Variants in KLF1 observed in about 807,000 individuals in gnomAD.
KLF1 encodes the protein Krueppel-like factor 1.
KLF1 carries 29 observed loss-of-function variants against 28.0 expected under a neutral mutation model. The ratio of observed to expected loss-of-function variants is 1.04; its 90% confidence interval spans 0.77 to 1.41. KLF1 has a LOEUF of 1.41. KLF1 is among the 40% of genes most tolerant of loss of function. The probability of loss-of-function intolerance (pLI) is 0.00; values close to 1 mark genes in which losing one functional copy is unlikely to be tolerated. For missense variants in KLF1, 508 were observed against 515.1 expected (o/e 0.99, Z 0.13); for synonymous variants, 262 against 242.6 (o/e 1.08, Z -0.74).
Position 12,884,649 on chromosome 19 carries a change from G to A in KLF1, c.*236C>T. ...TTTGCACGACAGTTTGGACATCTCTGTGTGGCTCCCTGTGGCTGAAGGCTT... is the reference window on the plus strand; with the variant it reads ...TTTGCACGACAGTTTGGACATCTCTATGTGGCTCCCTGTGGCTGAAGGCTT... On this transcript the variant is annotated 3_prime_UTR_variant, in exon 3 of 3. Transcript: ENST00000264834. 1 of 579,118 alleles carries A rather than the reference G, an allele frequency of 1.7e-6. No homozygotes were observed. Among genetic ancestry groups the A allele is most frequent in the Non-Finnish European group, 3.1e-6 (1 of 323,226 alleles). 35.9% of individuals were successfully genotyped at this position (579,118 alleles called of 1,614,324 possible). A position where few individuals can be genotyped will look rare whatever the true frequency, so the allele number is the denominator to read the frequency against.
Position 12,885,446 on chromosome 19 carries a change from C to T in KLF1, c.784G>A (p.Ala262Thr), listed in dbSNP as rs778399478. Residue 262 changes from alanine to threonine, a missense_variant, in exon 2 of 3, where the codon GCG becomes ACG. Coordinates refer to ENST00000264834, the MANE Select transcript of KLF1 (RefSeq NM_006563.5). The surrounding 1 kb of genome is among the most constrained non-coding windows in gnomAD (Gnocchi z 5.6). ...GAACGTCGGCCTCGCTTGGATGGCG[C>T]GGTCTCGGCTATCACACCTGGATCC... is the stretch of plus-strand genomic sequence containing the variant. ...AEDPGVIAET[A>T]PSKRGRRSWA... 22 of 1,604,570 alleles carry T rather than the reference C, an allele frequency of 1.4e-5. No individual in the cohort carries two copies. The highest frequency in any genetic ancestry group is 1.9e-5 in the Non-Finnish European group (22 of 1,176,344).
chr19:12,884,836 T>A lies in KLF1; in HGVS notation c.*49A>T. ...GTGTGAAGAGACCACCAAACAGGCTTCTTGTCCCATCCCCAGTCACTAGGA... is the reference window on the plus strand; with the variant it reads ...GTGTGAAGAGACCACCAAACAGGCTACTTGTCCCATCCCCAGTCACTAGGA... On this transcript the variant is annotated 3_prime_UTR_variant, in exon 3 of 3. Coordinates refer to ENST00000264834, the MANE Select transcript of KLF1 (RefSeq NM_006563.5). 2 of 1,603,342 alleles carry A rather than the reference T, an allele frequency of 1.2e-6. No individual in the cohort carries two copies. Among genetic ancestry groups the A allele is most frequent in the Non-Finnish European group, 1.7e-6 (2 of 1,173,110 alleles).
chr19:12,886,358 A>G (rs976487821), intron 1 of KLF1, among the ~76,000 whole-genome samples: 10 of 152,074 alleles, frequency 6.6e-5, no homozygotes, highest in Non-Finnish European at 1.3e-4. Flanking sequence ...GGCTGGAGAC[A>G]GGAGATAAGA....
Position 12,887,096 on chromosome 19 carries a change from G to T in KLF1, c.45C>A (p.Thr15=). Reference sequence around the variant, plus strand: ...GTGTGTCCGGGAAGGGGCCCAGGGCGGTCAGTGTGCTGATGGAGGGCAAGG... The same window carrying T: ...GTGTGTCCGGGAAGGGGCCCAGGGCTGTCAGTGTGCTGATGGAGGGCAAGG... ...ETALPSISTL[T]ALGPFPDTQD... The change falls in exon 1 of 3, where the codon ACC becomes ACA. Residue 15 remains threonine, a synonymous_variant. Coordinates refer to ENST00000264834, the MANE Select transcript of KLF1 (RefSeq NM_006563.5). The surrounding 1 kb of genome is among the most constrained non-coding windows in gnomAD (Gnocchi z 4.7). 1 of 1,614,070 alleles carries T rather than the reference G, an allele frequency of 6.2e-7. No homozygotes were observed. The highest frequency in any genetic ancestry group is 1.1e-5 in the South Asian group (1 of 91,072).
In KLF1 at chr19:12,884,999, C is replaced by T. The variant is rs768512022; in HGVS notation, c.975G>A (p.Glu325=). The part of the protein sequence containing the change: ...GCGWRFARSD[E]LTRHYRKHTG... ...TGTGTTTCCGGTAGTGGCGGGTCAGCTCGTCCGAGCGCGCGAATCTCCAGC... is the reference window on the plus strand; with the variant it reads ...TGTGTTTCCGGTAGTGGCGGGTCAGTTCGTCCGAGCGCGCGAATCTCCAGC... Residue 325 remains glutamate (E), a synonymous_variant, in exon 3 of 3, where the codon GAG becomes GAA. Transcript: ENST00000264834. 3 of 1,609,802 alleles carry T rather than the reference C, an allele frequency of 1.9e-6. No homozygotes were observed. The South Asian group carries it at 3.3e-5, about 18-fold the overall frequency.
rs1369301685 is a variant in KLF1 at position 12,885,354 on chromosome 19, C to G, written c.876G>C (p.Lys292Asn). ...GCAGATGCGCCTTCAGGTGGGAGCT[C>G]TTGGTGTAGCTCTTGCCGCAACCCG... ...AHPGCGKSYT[K>N]SSHLKAHLRT... The change falls in exon 2 of 3, where the codon AAG becomes AAC. Residue 292 changes from lysine (K) to asparagine (N), a missense_variant. Lys to Asn is a moderately conservative substitution (Grantham distance 94, BLOSUM62 0). Transcript: ENST00000264834. The surrounding 1 kb of genome is among the most constrained non-coding windows in gnomAD (Gnocchi z 5.6). 6.2e-7 allele frequency: 1 copy of G among 1,602,418 alleles called. No individual in the cohort carries two copies. The highest frequency in any genetic ancestry group is 1.3e-5 in the African/African-American group (1 of 74,848).
In KLF1 at chr19:12,884,949, T is replaced by C; in HGVS notation, c.1025A>G (p.Gln342Arg). The change falls in exon 3 of 3, where the codon CAG becomes CGG. Residue 342 changes from glutamine to arginine, a missense_variant. Coordinates refer to ENST00000264834, the MANE Select transcript of KLF1 (RefSeq NM_006563.5). ...KHTGQRPFRCQLCPRAFSRSD... is the reference protein window; with the variant it reads ...KHTGQRPFRCRLCPRAFSRSD... ...GCGCGAAAAAGCACGTGGGCAGAGC[T>C]GGCAGCGGAAGGGGCGCTGCCCCGT... 6.2e-7 allele frequency: 1 copy of C among 1,613,914 alleles called. No homozygotes were observed. Among genetic ancestry groups the C allele is most frequent in the Non-Finnish European group, 8.5e-7 (1 of 1,180,026 alleles).
At chr19:12,886,720 A>C (rs1157316421) in intron 1 of KLF1, among the ~76,000 whole-genome samples, 1 of 150,292 alleles carries the variant, frequency 6.7e-6, no homozygotes, top group African/African-American at 2.5e-5. Flanking sequence ...ATCCTCCTGC[A>C]TCAGCCTACG....
At position 12,885,505 on chromosome 19, in the gene KLF1, C is replaced by T; in HGVS notation, c.725G>A (p.Gly242Glu). The change falls in exon 2 of 3, where the codon GGG (glycine) becomes GAG (glutamate). Residue 242 changes from glycine (G) to glutamate (E), a missense_variant. Coordinates refer to ENST00000264834, the MANE Select transcript of KLF1 (RefSeq NM_006563.5). The surrounding 1 kb of genome is among the most constrained non-coding windows in gnomAD (Gnocchi z 5.6). ...CCCCCCGAGTCCAGTGCCCACCGTCCCGGGTCCCAAACAACTCAGGAAGGA... is the reference window on the plus strand; with the variant it reads ...CCCCCCGAGTCCAGTGCCCACCGTCTCGGGTCCCAAACAACTCAGGAAGGA... ...SPSFLSCLGPGTVGTGLGGTA... is the reference protein window; with the variant it reads ...SPSFLSCLGPETVGTGLGGTA... The T allele has an allele frequency of 6.3e-7, 1 of 1,596,762 alleles. No individual in the cohort carries two copies. Among genetic ancestry groups the T allele is most frequent in the Non-Finnish European group, 8.5e-7 (1 of 1,172,442 alleles).
chr19:12,886,760 C>G (rs983790759), intron 1 of KLF1, among the ~76,000 whole-genome samples: 2 of 152,038 alleles, frequency 1.3e-5, no homozygotes, highest in Admixed American at 1.3e-4. Flanking sequence ...CACACGCCCC[C>G]ATGCCTGGCC....
In KLF1 at chr19:12,885,737, C is replaced by A. The variant is rs1040963205; in HGVS notation, c.493G>T (p.Ala165Ser). The change falls in exon 2 of 3, where the codon GCG becomes TCG. Residue 165 changes from alanine to serine, a missense_variant. Physicochemically the swap from Ala to Ser is moderately conservative, Grantham distance 99. Coordinates refer to ENST00000264834, the MANE Select transcript of KLF1 (RefSeq NM_006563.5). This position sits in a 1 kb window ranked among gnomAD's most constrained non-coding sequence, Gnocchi z 5.6. ...GGCCCCGGGTACACCGGTTGCAGCG[C>A]CAGCGCCTTGGGCTCGGGGGCCGGG... ...PAPAPEPKALALQPVYPGPGA... is the reference protein window; with the variant it reads ...PAPAPEPKALSLQPVYPGPGA... 40 of 1,508,114 alleles carry A rather than the reference C, an allele frequency of 2.7e-5. No homozygotes were observed. The highest frequency in any genetic ancestry group is 3.3e-5 in the Non-Finnish European group (37 of 1,130,102). The allele number at this position is 1,508,114 out of a possible 1,614,324, so 93.4% of individuals were successfully genotyped here.
chr19:12,885,990 G>A lies in KLF1; in HGVS notation c.240C>T (p.Thr80=). 1.3e-6 allele frequency: 2 copies of A among 1,592,580 alleles called. No individual in the cohort carries two copies. The highest frequency in any genetic ancestry group is 1.7e-6 in the Non-Finnish European group (2 of 1,170,208). The change falls in exon 2 of 3, where the codon ACC becomes ACT. Residue 80 remains threonine (T), a synonymous_variant. Transcript: ENST00000264834. This position sits in a 1 kb window ranked among gnomAD's most constrained non-coding sequence, Gnocchi z 5.6. ...DATWDLDLLL[T]NFSGPEPGGA... ...CACCGGGCTCCGGGCCCGAGAAGTT[G>A]GTGAGGAGGAGATCCAGGTCCCAGG...
At position 12,885,644 on chromosome 19, in the gene KLF1, G is replaced by A. The variant is rs1224304269; in HGVS notation, c.586C>T (p.Pro196Ser). 4.5e-6 allele frequency: 7 copies of A among 1,544,602 alleles called. No individual in the cohort carries two copies. Among genetic ancestry groups the A allele is most frequent in the Non-Finnish European group, 6.1e-6 (7 of 1,143,930 alleles). The change falls in exon 2 of 3, where the codon CCC becomes TCC. Residue 196 changes from proline (P) to serine (S), a missense_variant. Coordinates refer to ENST00000264834, the MANE Select transcript of KLF1 (RefSeq NM_006563.5). This position sits in a 1 kb window ranked among gnomAD's most constrained non-coding sequence, Gnocchi z 5.6. ...GGGTACCCGGACAGTAGCCCGTAGGGGGCGCCCGACGCCGCAGGCACTGAA... is the reference window on the plus strand; with the variant it reads ...GGGTACCCGGACAGTAGCCCGTAGGAGGCGCCCGACGCCGCAGGCACTGAA... ...GLSVPAASGA[P>S]YGLLSGYPAM...
In KLF1 at chr19:12,885,703, C is replaced by G; in HGVS notation, c.527G>C (p.Gly176Ala). The change falls in exon 2 of 3, where the codon GGC (glycine) becomes GCC (alanine). Residue 176 changes from glycine to alanine, a missense_variant. Transcript: ENST00000264834. The surrounding 1 kb of genome is among the most constrained non-coding windows in gnomAD (Gnocchi z 5.6). ...CCGCGGGAAGTAGCCACCCGAGGAGCCGGCGCCGGGCCCCGGGTACACCGG... is the reference window on the plus strand; with the variant it reads ...CCGCGGGAAGTAGCCACCCGAGGAGGCGGCGCCGGGCCCCGGGTACACCGG... Reference protein sequence around the residue: ...LQPVYPGPGAGSSGGYFPRTG... With the variant: ...LQPVYPGPGAASSGGYFPRTG... 1 of 1,526,530 alleles carries G rather than the reference C, an allele frequency of 6.6e-7. No individual in the cohort carries two copies. Among genetic ancestry groups the G allele is most frequent in the Non-Finnish European group, 8.8e-7 (1 of 1,136,370 alleles). The allele number at this position is 1,526,530 out of a possible 1,614,324, so 94.6% of individuals were successfully genotyped here. A position where few individuals can be genotyped will look rare whatever the true frequency, so the allele number is the denominator to read the frequency against.
chr19:12,886,389 A>G (rs1044007114), intron 1 of KLF1, among the ~76,000 whole-genome samples: 1 of 151,766 alleles, frequency 6.6e-6, no homozygotes, highest in Non-Finnish European at 1.5e-5. Flanking sequence ...CTGGAACCAC[A>G]CTCGGGGATG....
chr19:12,885,867 C>T lies in KLF1; in HGVS notation c.363G>A (p.Gly121=). 2.6e-6 allele frequency: 4 copies of T among 1,552,062 alleles called. No individual in the cohort carries two copies. The highest frequency in any genetic ancestry group is 3.5e-6 in the Non-Finnish European group (4 of 1,147,996). Residue 121 remains glycine (G), a synonymous_variant, in exon 2 of 3, where the codon GGG becomes GGA. Coordinates refer to ENST00000264834, the MANE Select transcript of KLF1 (RefSeq NM_006563.5). This position sits in a 1 kb window ranked among gnomAD's most constrained non-coding sequence, Gnocchi z 5.6. ...CCGAACCCAAAAGCCCAGCCACCAGCCCCGGGCCGCCAGCATATGCGCCCA... is the reference window on the plus strand; with the variant it reads ...CCGAACCCAAAAGCCCAGCCACCAGTCCCGGGCCGCCAGCATATGCGCCCA... ...ETLGAYAGGP[G]LVAGLLGSED...
rs565630800 is a variant in KLF1, at chr19:12,884,695, C to T, written c.*190G>A. On this transcript the variant is annotated 3_prime_UTR_variant, in exon 3 of 3. Transcript: ENST00000264834. ...GGCTTGTCGGATTTTCCGTAAGAGGCTCCCCCAGGGCTGTCTATGGGTCCG... is the reference window on the plus strand; with the variant it reads ...GGCTTGTCGGATTTTCCGTAAGAGGTTCCCCCAGGGCTGTCTATGGGTCCG... 18 of 637,408 alleles carry T rather than the reference C, an allele frequency of 2.8e-5. No homozygotes were observed. In the African/African-American group the frequency reaches 3.3e-4, roughly 12 times the overall value. 39.5% of individuals were successfully genotyped at this position (637,408 alleles called of 1,614,324 possible). A position where few individuals can be genotyped will look rare whatever the true frequency, so the allele number is the denominator to read the frequency against.
intron 1 of KLF1, 98 bp downstream of exon 1, chr19:12,886,956 C>G (rs1311965174): frequency 8.0e-7 from 1 of 1,252,508 alleles, no homozygotes; most frequent in South Asian, 1.2e-5. Flanking sequence ...GGTTAAGTCT[C>G]TTGATTTCAG....
In KLF1 at chr19:12,885,438, G is replaced by A. The variant is rs1246282062; in HGVS notation, c.792C>T (p.Ser264=). Residue 264 remains serine (S), a synonymous_variant, in exon 2 of 3, where the codon TCC becomes TCT. Transcript: ENST00000264834. This position sits in a 1 kb window ranked among gnomAD's most constrained non-coding sequence, Gnocchi z 5.6. ...GCGCCCACGAACGTCGGCCTCGCTT[G>A]GATGGCGCGGTCTCGGCTATCACAC... ...DPGVIAETAP[S]KRGRRSWARK... 6.2e-7 allele frequency: 1 copy of A among 1,605,232 alleles called. No homozygotes were observed. The highest frequency in any genetic ancestry group is 1.1e-5 in the South Asian group (1 of 89,838).
Sources: allele counts gnomAD v4.1 joint callset (sites outside exome capture counted in the v4.1 genomes callset), GRCh38; gene constraint gnomAD v4.1.1; non-coding constraint Gnocchi (gnomAD v3.1); transcripts MANE v1.5; gene names NCBI Gene and HGNC (gene_info 2026-07-23, HGNC 2026-07-21).